EML1: variants seen among roughly 807,000 people sequenced by gnomAD.
EML1 encodes the protein echinoderm microtubule-associated protein-like 1.
EML1 carries 27 observed loss-of-function variants against 110.4 expected under a neutral mutation model. The observed-to-expected ratio is 0.24, with a 90% CI of 0.18 to 0.34. EML1 has a LOEUF of 0.34. Ranked by LOEUF, EML1 falls within the 10% of genes least tolerant of loss-of-function variation. EML1 has a pLI of 1.00. For missense variants in EML1, 741 were observed against 1,030.9 expected, an observed-to-expected ratio of 0.72 and a Z score of 3.85; for synonymous variants, 344 against 385.8, an observed-to-expected ratio of 0.89 and a Z score of 1.27.
intron 2 of EML1, among the ~76,000 whole-genome samples, chr14:99,864,267 A>G (rs1249221707): frequency 2.6e-5 from 4 of 152,136 alleles, no homozygotes; most frequent in African/African-American, 7.2e-5. Context: ...GTGATGTGCA[A>G]ATATTTTCTC....
At chr14:99,794,029 A>G (rs977946449) in intron 1 of EML1, among the ~76,000 whole-genome samples, 1 of 152,226 alleles carries the variant, frequency 6.6e-6, no homozygotes, top group African/African-American at 2.4e-5. Flanking sequence ...ATTCAGGTCT[A>G]CTTTAATGAA....
At chr14:99,900,083 A>G (rs2140015526) in intron 8 of EML1, among the ~76,000 whole-genome samples, 1 of 152,212 alleles carries the variant, frequency 6.6e-6, no homozygotes, top group East Asian at 1.9e-4. Context: ...AGCGTAAATA[A>G]CCTAGGAACA....
At chr14:99,835,430 A>G (rs1251619921) in intron 1 of EML1, among the ~76,000 whole-genome samples, 1 of 151,502 alleles carries the variant, frequency 6.6e-6, no homozygotes, top group African/African-American at 2.4e-5. Context: ...CATTCCATTG[A>G]TTTTCTCCAG....
chr14:99,807,442 T>A (rs2057997463), intron 1 of EML1, among the ~76,000 whole-genome samples: 1 of 152,186 alleles, frequency 6.6e-6, no homozygotes, highest in Admixed American at 6.5e-5. Flanking sequence ...AAGGCGATTG[T>A]GACAAAGTCA....
chr14:99,823,945 A>G (rs1038348165), intron 1 of EML1, among the ~76,000 whole-genome samples: 1 of 151,792 alleles, frequency 6.6e-6, no homozygotes, highest in Non-Finnish European at 1.5e-5. Context: ...GGACTTTCCC[A>G]TGCATCATCT....
upstream of EML1, among the ~76,000 whole-genome samples, chr14:99,770,396 T>TATCTATCTATC (rs2057412725): frequency 6.6e-6 from 1 of 152,084 alleles, no homozygotes; most frequent in African/African-American, 2.4e-5. Flanking sequence ...TCTATCTATC[T>TATCTATCTATC]ATCTATCTAT....
At chr14:99,923,305 A>G (rs1235463008) in intron 17 of EML1, among the ~76,000 whole-genome samples, 3 of 152,212 alleles carry the variant, frequency 2.0e-5, no homozygotes, top group Non-Finnish European at 4.4e-5. Context: ...AGTTCAGTTT[A>G]TCAATTTTTC....
At chr14:99,876,054 T>G (rs2059285431) in intron 3 of EML1, among the ~76,000 whole-genome samples, 1 of 152,006 alleles carries the variant, frequency 6.6e-6, no homozygotes. Flanking sequence ...AAAAACCTGC[T>G]TGGAGATTAC....
At chr14:99,802,002 G>A (rs1478983182) in intron 1 of EML1, among the ~76,000 whole-genome samples, 1 of 152,150 alleles carries the variant, frequency 6.6e-6, no homozygotes, top group East Asian at 1.9e-4. Context: ...ACAGTGATAG[G>A]TTGTTCTAAG....
rs147023936 is a variant in EML1 at position 99,911,534 on chromosome 14, C to T, written c.1452C>T (p.Leu484=). 856 of 1,612,476 alleles carry T rather than the reference C, an allele frequency of 5.3e-4. 1 individual carries two copies. Among genetic ancestry groups the T allele is most frequent in the Non-Finnish European group, 6.9e-4 (814 of 1,179,784 alleles). Residue 484 remains leucine (L), a synonymous_variant, in exon 13 of 22, where the codon CTC becomes CTT. Coordinates refer to ENST00000262233, the MANE Select transcript of EML1 (RefSeq NM_004434.3). ...CGGGAGGTGGGAAAGACCGAAAGCTCATTTCTTGGAGCGGAAACTATCAAA... is the reference window on the plus strand; with the variant it reads ...CGGGAGGTGGGAAAGACCGAAAGCTTATTTCTTGGAGCGGAAACTATCAAA... ...LVSGGGKDRK[L]ISWSGNYQKL...
chr14:99,780,901 C>CA (rs1455575326), intron 1 of EML1, among the ~76,000 whole-genome samples: 2 of 152,146 alleles, frequency 1.3e-5, no homozygotes, highest in African/African-American at 4.8e-5. Flanking sequence ...ACGATGCTCG[C>CA]ACAATGATGA....
intron 17 of EML1, among the ~76,000 whole-genome samples, chr14:99,930,334 G>A (rs2060345611): frequency 1.3e-5 from 2 of 152,220 alleles, no homozygotes; most frequent in Non-Finnish European, 2.9e-5. Flanking sequence ...GGAAGAGGGA[G>A]GTTCAGAAAG....
Position 99,781,758 on chromosome 14 carries a change from T to G in EML1, c.-27+7745T>G, listed in dbSNP as rs916605817. 2.0e-5 allele frequency among the ~76,000 whole-genome samples: 3 copies of G among 152,160 alleles called. No homozygotes were observed. The highest frequency in any genetic ancestry group is 4.4e-5 in the Non-Finnish European group (3 of 68,014). On this transcript the variant is annotated intron_variant, in intron 1 of 22. Coordinates refer to the EML1 transcript ENST00000327921. This position sits in a 1 kb window ranked among gnomAD's most constrained non-coding sequence, Gnocchi z 4.2. ...TCAGTCTGAGCTCCCTGTCCCCTCT[T>G]TGACATTAACAGAGCTGGATGTCTC...
intron 17 of EML1, 149 bp downstream of exon 17, chr14:99,921,026 T>C: frequency 1.5e-6 from 1 of 664,766 alleles, no homozygotes; most frequent in Non-Finnish European, 2.5e-6. Context: ...ACCCACGTAT[T>C]AAGCCCAGCA....
At chr14:99,893,095 G>A (rs1368126137) in intron 5 of EML1, among the ~76,000 whole-genome samples, 1 of 152,172 alleles carries the variant, frequency 6.6e-6, no homozygotes, top group African/African-American at 2.4e-5. Flanking sequence ...GACAGGACAG[G>A]GTGTAGAGGG....
intron 1 of EML1, among the ~76,000 whole-genome samples, chr14:99,775,616 C>T (rs943929617): frequency 1.3e-5 from 2 of 152,182 alleles, no homozygotes; most frequent in East Asian, 1.9e-4. Context: ...CTCTTCATGA[C>T]GGGCAGCAGG....
chr14:99,836,206 T>TTTA (rs3994961), intron 1 of EML1, among the ~76,000 whole-genome samples: 1 of 151,630 alleles, frequency 6.6e-6, no homozygotes, highest in Admixed American at 6.6e-5. Context: ...TTTAATTTCT[T>TTTA]TTATTATGTT....
In EML1 at chr14:99,777,773, G is replaced by C. The variant is rs184267184; in HGVS notation, c.-27+3760G>C. On this transcript the variant is annotated intron_variant, in intron 1 of 22. Coordinates refer to the EML1 transcript ENST00000327921. ...ATACTGCTACTTCCTGACTGTCCAAGTCCAAGCATTTTTGTGGGGCAGTTT... is the reference window on the plus strand; with the variant it reads ...ATACTGCTACTTCCTGACTGTCCAACTCCAAGCATTTTTGTGGGGCAGTTT... Among the ~76,000 whole-genome samples, 3 of 152,274 alleles carry C rather than the reference G, an allele frequency of 2.0e-5. No individual in the cohort carries two copies. In the East Asian group the frequency reaches 5.8e-4, roughly 29 times the overall value.
In EML1 at chr14:99,747,789, A is replaced by C. The variant is rs562423632; in HGVS notation, c.28+9929A>C. Among the ~76,000 whole-genome samples the C allele has an allele frequency of 4.6e-5, 7 of 152,272 alleles. No individual in the cohort carries two copies. In the East Asian group the frequency reaches 1.2e-3, roughly 25 times the overall value. On this transcript the variant is annotated intron_variant, in intron 1 of 10. Coordinates refer to the EML1 transcript ENST00000554479. Reference sequence around the variant, plus strand: ...GAAGCCACCAAGCCCACCCCTGGCCACACGGGGACTTGGTGCTGCCCCAGG... The same window carrying C: ...GAAGCCACCAAGCCCACCCCTGGCCCCACGGGGACTTGGTGCTGCCCCAGG...
Sources: gnomAD v4.1 joint callset for allele counts (sites outside exome capture counted in the v4.1 genomes callset) on GRCh38, gnomAD v4.1.1 for gene constraint, Gnocchi (gnomAD v3.1) non-coding constraint, MANE v1.5 for transcripts, NCBI Gene and HGNC (gene_info 2026-07-23, HGNC 2026-07-21) for gene names.